The following ABR variants were observed in gnomAD, a reference collection of about 807,000 sequenced individuals.
ABR encodes ABR activator of RhoGEF and GTPase, also known as active breakpoint cluster region-related protein.
A neutral mutation model predicts 107.2 loss-of-function variants in ABR; 35 were observed. The ratio of observed to expected loss-of-function variants is 0.33; its 90% CI spans 0.25 to 0.43. The LOEUF is 0.43. ABR is among the 20% of genes least tolerant of loss of function. The pLI is 1.00. For synonymous variants in ABR, 498 were observed against 462.0 expected, an observed-to-expected ratio of 1.08 and a Z score of -1.00; for missense variants, 815 against 1,115.2, an observed-to-expected ratio of 0.73 and a Z score of 3.83.
At chr17:1,081,215 G>A (rs1405372164) in intron 5 of ABR, among the ~76,000 whole-genome samples, 1 of 152,200 alleles carries the variant, frequency 6.6e-6, no homozygotes, top group African/African-American at 2.4e-5. Context: ...GAAACCGCAG[G>A]GAAAGCACCA....
At chr17:1,085,644 C>T (rs764723576) in intron 4 of ABR, among the ~76,000 whole-genome samples, 12 of 152,134 alleles carry the variant, frequency 7.9e-5, no homozygotes, top group Non-Finnish European at 1.8e-4. Flanking sequence ...GGCTACCAAG[C>T]ACCTGAGATA....
chr17:1,046,365 C>T (rs1365181353), intron 16 of ABR, among the ~76,000 whole-genome samples: 20 of 140,806 alleles, frequency 1.4e-4, no homozygotes, highest in African/African-American at 4.5e-4. Flanking sequence ...CTTGAACTCC[C>T]GACCTTGTAA....
chr17:1,106,437 A>ACT (rs397760370), intron 2 of ABR, among the ~76,000 whole-genome samples: 1 of 150,646 alleles, frequency 6.6e-6, no homozygotes, highest in African/African-American at 2.5e-5. Flanking sequence ...ACACACACAC[A>ACT]TGCACGCATC....
intron 1 of ABR, among the ~76,000 whole-genome samples, chr17:1,193,412 G>A (rs189410761): frequency 2.6e-5 from 4 of 152,096 alleles, no homozygotes; most frequent in Admixed American, 2.6e-4. Context: ...TTCACTCTTC[G>A]CAAGCAGCCT....
Position 1,010,948 on chromosome 17 carries a change from C to A in ABR, c.2102-85G>T. ...CCGACCCATCCTGACACAGCCCCCA[C>A]CCACTCCAGCTCTGGTTCTGGTCTC... On this transcript the variant is annotated intron_variant, in intron 19 of 22. Coordinates refer to ENST00000302538, the MANE Select transcript of ABR (RefSeq NM_021962.5). The surrounding 1 kb of genome is among the most constrained non-coding windows in gnomAD (Gnocchi z 4.1). 6.5e-7 allele frequency: 1 copy of A among 1,549,508 alleles called. No homozygotes were observed. Among genetic ancestry groups the A allele is most frequent in the Non-Finnish European group, 8.8e-7 (1 of 1,139,332 alleles).
chr17:1,171,179 G>A (rs1037883686), intron 1 of ABR, among the ~76,000 whole-genome samples: 1 of 152,228 alleles, frequency 6.6e-6, no homozygotes, highest in African/African-American at 2.4e-5. Flanking sequence ...GCTGTGAGGA[G>A]TAGATGTTCC....
intron 2 of ABR, among the ~76,000 whole-genome samples, chr17:1,124,051 T>C (rs1173914254): frequency 6.6e-6 from 1 of 152,102 alleles, no homozygotes; most frequent in Admixed American, 6.5e-5. Flanking sequence ...TCTGTTGCCA[T>C]GGCAGCAATG....
At chr17:1,007,333 A>C in intron 21 of ABR, 21 bp from the exon 22 acceptor site, 2 of 1,613,616 alleles carry the variant, frequency 1.2e-6, no homozygotes, top group Non-Finnish European at 1.7e-6. Flanking sequence ...GAAGATGGGG[A>C]GGAAAGAAGC....
At chr17:1,029,093 G>A (rs2072486006) in intron 16 of ABR, among the ~76,000 whole-genome samples, 1 of 115,904 alleles carries the variant, frequency 8.6e-6, no homozygotes, top group African/African-American at 3.4e-5. Context: ...ACTTGAGTGT[G>A]ATTTGAGGCA....
intron 1 of ABR, among the ~76,000 whole-genome samples, chr17:1,178,220 C>G (rs2151622250): frequency 6.6e-6 from 1 of 152,162 alleles, no homozygotes; most frequent in South Asian, 2.1e-4. Context: ...CATCACCCTT[C>G]TCTACTCCCC....
At chr17:1,115,107 C>T (rs187455825) in intron 2 of ABR, among the ~76,000 whole-genome samples, 5 of 152,220 alleles carry the variant, frequency 3.3e-5, no homozygotes, top group East Asian at 3.9e-4. Context: ...GCCCCATAGG[C>T]GAAGGGAAGG....
chr17:1,009,746 G>A lies in ABR; in HGVS notation c.2275C>T (p.His759Tyr). 1 of 1,614,158 alleles carries A rather than the reference G, an allele frequency of 6.2e-7. No homozygotes were observed. Among genetic ancestry groups the A allele is most frequent in the Non-Finnish European group, 8.5e-7 (1 of 1,180,024 alleles). The change falls in exon 21 of 23, where the codon CAC becomes TAC. Residue 759 changes from histidine (H) to tyrosine (Y), a missense_variant. Around this residue, in one of 5 missense-constraint regions of ABR, gnomAD observed 175 missense variants for 284.3 expected, o/e 0.62. Coordinates refer to ENST00000302538, the MANE Select transcript of ABR (RefSeq NM_021962.5). ...GGGTCGGGCAGGGAGCGGAGCAGGTGCATCATGCAGTTTTCCTTGGCAGCA... is the reference window on the plus strand; with the variant it reads ...GGGTCGGGCAGGGAGCGGAGCAGGTACATCATGCAGTTTTCCTTGGCAGCA... ...DPAAKENCMM[H>Y]LLRSLPDPNL... is the part of the protein sequence containing the mutation.
In ABR at chr17:1,031,857, CCT is replaced by C. The variant is rs1429032366; in HGVS notation, c.1791+18191_1791+18192del. ...GGCTTTCCCCGCGCTCGCCTCCCTC[CCT>C]CCCTCCCTCCCCGCGCTCCCCTCCC... On this transcript the variant is annotated intron_variant, in intron 16 of 22. Transcript: ENST00000302538. 8.8e-4 allele frequency: 1,041 copies of C among 1,180,914 alleles called. 12 individuals are homozygous for C. The African/African-American group carries it at 0.015, about 17-fold the overall frequency. The allele number at this position is 1,180,914 out of a possible 1,614,324, so 73.2% of individuals were successfully genotyped here. A position where few individuals can be genotyped will look rare whatever the true frequency, so the allele number is the denominator to read the frequency against.
chr17:1,014,421 A>G (rs936569905), intron 16 of ABR, among the ~76,000 whole-genome samples: 1 of 150,740 alleles, frequency 6.6e-6, no homozygotes, highest in Non-Finnish European at 1.5e-5. Flanking sequence ...AGCCTGGGCG[A>G]CAGAGCGAGA....
At chr17:1,038,571 G>C (rs761059184) in intron 16 of ABR, among the ~76,000 whole-genome samples, 1 of 152,152 alleles carries the variant, frequency 6.6e-6, no homozygotes, top group East Asian at 1.9e-4. Flanking sequence ...GCGTGAACAC[G>C]GTGTGCCCAT....
At chr17:1,146,845 GGCCACCACT>G (rs71362517) in intron 1 of ABR, among the ~76,000 whole-genome samples, 50,166 of 137,302 alleles carry the variant, frequency 0.37, 8,953 homozygotes, top group Middle Eastern at 0.44. Context: ...ACTGCCACCA[GGCCACCACT>G]GCCACCACTG....
intron 2 of ABR, chr17:1,101,135 C>A (rs950331087): frequency 6.1e-6 from 1 of 163,158 alleles, no homozygotes; most frequent in Non-Finnish European, 1.2e-5. Context: ...TTATGCCAGA[C>A]TAATTTTTTT....
rs946521797 is a variant in ABR at position 1,179,341 on chromosome 17, C to G, written c.61+326G>C. On this transcript the variant is annotated intron_variant, in intron 1 of 22. Transcript: ENST00000302538. This position sits in a 1 kb window ranked among gnomAD's most constrained non-coding sequence, Gnocchi z 4.9. ...TCCCTCCCCTGAGGCTCGCGGAGGC[C>G]GGGTTCACAACAGGTGGGAGGGGGG... Among the ~76,000 whole-genome samples, 1 of 152,120 alleles carries G rather than the reference C, an allele frequency of 6.6e-6. No homozygotes were observed. Among genetic ancestry groups the G allele is most frequent in the Non-Finnish European group, 1.5e-5 (1 of 68,002 alleles).
Position 1,225,524 on chromosome 17 carries a change from C to T in ABR, c.838+3269G>A, listed in dbSNP as rs147932542. ...AAAATTAGCCAGGCGTAGTGGCACA[C>T]TCTTGTCATCCCAGCTACTCAGGAG... On this transcript the variant is annotated intron_variant, in intron 1 of 22. Coordinates refer to the ABR transcript ENST00000574139. 2.8e-3 allele frequency among the ~76,000 whole-genome samples: 426 copies of T among 152,184 alleles called. 1 individual carries two copies. The highest frequency in any genetic ancestry group is 4.4e-3 in the Non-Finnish European group (298 of 68,012).
Sources: gnomAD v4.1 joint callset for allele counts (sites outside exome capture counted in the v4.1 genomes callset) on GRCh38, gnomAD v4.1.1 for gene constraint, gnomAD v4.1.1 regional missense constraint, Gnocchi (gnomAD v3.1) non-coding constraint, MANE v1.5 for transcripts, NCBI Gene and HGNC (gene_info 2026-07-23, HGNC 2026-07-21) for gene names.